JAML: variants seen among roughly 807,000 people sequenced by gnomAD.
The protein encoded by JAML is junctional adhesion molecule-like.
In JAML, 25 loss-of-function variants were observed where a neutral mutation model predicts 39.3. The observed-to-expected ratio is 0.64, with a 90% CI of 0.46 to 0.89. JAML has a LOEUF of 0.89. Ranked by LOEUF, JAML falls within the 40% of genes least tolerant of loss-of-function variation. The probability of loss-of-function intolerance (pLI) is 0.00; values close to 1 mark genes in which losing one functional copy is unlikely to be tolerated. For synonymous variants in JAML, 162 were observed against 179.2 expected (o/e 0.90, Z 0.77); for missense variants, 440 against 486.9 (o/e 0.90, Z 0.91).
intron 8 of JAML, chr11:118,197,025 A>G: frequency 4.0e-6 from 2 of 503,670 alleles, no homozygotes; most frequent in South Asian, 5.0e-5. Flanking sequence ...CAGTCTTAAG[A>G]ACCAAACTCT....
chr11:118,204,659 C>T (rs1472199475), intron 5 of JAML: 1 of 152,210 alleles, frequency 6.6e-6, no homozygotes, highest in African/African-American at 2.4e-5. Flanking sequence ...TCCCCAAGCA[C>T]CCACATAACA....
intron 2 of JAML, 85 bp downstream of exon 2, chr11:118,214,739 C>G: frequency 7.1e-7 from 1 of 1,414,772 alleles, no homozygotes; most frequent in Admixed American, 1.8e-5. Context: ...CCAAGGGAAT[C>G]GAAAATATGT....
chr11:118,221,046 T>G (rs2368238), intron 1 of JAML, among the ~76,000 whole-genome samples: 63,783 of 152,102 alleles, frequency 0.42, 15,195 homozygotes, highest in South Asian at 0.72. Flanking sequence ...GTCATAGAGA[T>G]GCCTCCTCTA....
At position 118,198,072 on chromosome 11, in the gene JAML, A is replaced by C. The variant is rs750311475; in HGVS notation, c.931T>G (p.Leu311Val). 33 of 1,614,144 alleles carry C rather than the reference A, an allele frequency of 2.0e-5. No homozygotes were observed. Among genetic ancestry groups the C allele is most frequent in the Non-Finnish European group, 2.8e-5 (33 of 1,179,970 alleles). Residue 311 changes from leucine (L) to valine (V), a missense_variant, in exon 8 of 10, where the codon TTG (leucine) becomes GTG (valine). By Grantham distance (32) the Leu-to-Val change is conservative. Coordinates refer to ENST00000356289, the MANE Select transcript of JAML (RefSeq NM_001098526.2). ...TTAGTCTTCTTCGTGTTCTTCACCA[A>C]GACTGTAGAATTCACTGAACTGCAA... ...GNKSSVNSTV[L>V]VKNTKKTNPE...
chr11:118,213,050 T>G (rs1949093302), intron 2 of JAML: 5 of 1,595,202 alleles, frequency 3.1e-6, no homozygotes, highest in Non-Finnish European at 4.3e-6. Flanking sequence ...TGATTCTGGC[T>G]GTAGGGCAGG....
intron 7 of JAML, among the ~76,000 whole-genome samples, chr11:118,199,690 ATTATT>A (rs1948734402): frequency 1.2e-5 from 1 of 80,672 alleles, no homozygotes; most frequent in African/African-American, 4.0e-5. Flanking sequence ...TATTATTATT[ATTATT>A]TTTTTTTTTT....
chr11:118,218,437 G>T (rs1237547393), intron 1 of JAML, among the ~76,000 whole-genome samples: 1 of 152,062 alleles, frequency 6.6e-6, no homozygotes, highest in African/African-American at 2.4e-5. Context: ...TAGGGCATGG[G>T]CCACTATGTC....
chr11:118,210,143 T>A (rs960447193), intron 4 of JAML, among the ~76,000 whole-genome samples: 1 of 152,252 alleles, frequency 6.6e-6, no homozygotes, highest in African/African-American at 2.4e-5. Context: ...AAAAAGAACA[T>A]GGACTTTGTT....
intron 2 of JAML, chr11:118,213,003 CCTTT>C: frequency 6.2e-7 from 1 of 1,612,802 alleles, no homozygotes; most frequent in Non-Finnish European, 8.5e-7. Context: ...TCCTCTTTTC[CCTTT>C]CTTTTAGTTC....
Position 118,222,246 on chromosome 11 carries a change from T to C in JAML, c.-21+2695A>G, listed in dbSNP as rs1423826893. ...GCCTGAGCAACTTGGTGAAACACCA[T>C]CTGAACAAAAAAAAAATACAAAAAT... On this transcript the variant is annotated intron_variant, in intron 1 of 9. Transcript: ENST00000356289. The surrounding 1 kb of genome is among the most constrained non-coding windows in gnomAD (Gnocchi z 4.2). Among the ~76,000 whole-genome samples, 1 of 151,494 alleles carries C rather than the reference T, an allele frequency of 6.6e-6. No homozygotes were observed. The highest frequency in any genetic ancestry group is 1.5e-5 in the Non-Finnish European group (1 of 67,894).
chr11:118,202,723 G>A, intron 6 of JAML: 12 of 357,416 alleles, frequency 3.4e-5, no homozygotes, highest in South Asian at 2.3e-4. Flanking sequence ...GAGGTATGAG[G>A]TATGTTCCAT....
intron 7 of JAML, 33 bp downstream of exon 7, chr11:118,200,441 C>T: frequency 1.2e-6 from 2 of 1,612,370 alleles, no homozygotes; most frequent in Middle Eastern, 1.7e-4. Context: ...CACCCCCAGC[C>T]TCCCAATCCA....
chr11:118,217,314 C>T (rs564957049), intron 1 of JAML, among the ~76,000 whole-genome samples: 4 of 152,314 alleles, frequency 2.6e-5, no homozygotes, highest in Non-Finnish European at 4.4e-5. Flanking sequence ...AGGAAGCCAG[C>T]GACTCTAAAA....
chr11:118,197,849 T>C (rs559040191), intron 8 of JAML, 149 bp downstream of exon 8: 2 of 703,274 alleles, frequency 2.8e-6, no homozygotes, highest in East Asian at 5.3e-5. Context: ...GGCTCTTACT[T>C]TAGTGACAAA....
intron 6 of JAML, chr11:118,201,227 G>T (rs1343624674): frequency 6.6e-6 from 1 of 152,382 alleles, no homozygotes; most frequent in Non-Finnish European, 1.5e-5. Flanking sequence ...TACAACAGAA[G>T]TCTGTATGGG....
At chr11:118,217,012 T>G (rs1205434019) in intron 1 of JAML, among the ~76,000 whole-genome samples, 1 of 152,122 alleles carries the variant, frequency 6.6e-6, no homozygotes, top group Non-Finnish European at 1.5e-5. Context: ...TTGGTTGTGC[T>G]CCCTCCTCTG....
At chr11:118,211,360 A>C (rs2134667938) in intron 3 of JAML, among the ~76,000 whole-genome samples, 1 of 152,258 alleles carries the variant, frequency 6.6e-6, no homozygotes, top group East Asian at 1.9e-4. Flanking sequence ...CTCCCACCTC[A>C]GTCTCCCAAG....
chr11:118,210,441 G>A (rs1253052279), intron 4 of JAML, 46 bp downstream of exon 4: 4 of 1,592,720 alleles, frequency 2.5e-6, no homozygotes, highest in Non-Finnish European at 3.4e-6. Context: ...TCTTGCACAT[G>A]AAAGCTCTTG....
chr11:118,210,780 A>G lies in JAML; in HGVS notation c.199-68T>C, dbSNP rs575787408. The stretch of plus-strand genomic sequence containing the variant: ...AGACCGAGGAGCCTGGATCCCAAAG[A>G]CTCTGTTATGTGGGGGCAGCAGAGC... On this transcript the variant is annotated intron_variant, in intron 3 of 9. Transcript: ENST00000356289. 9 of 1,326,824 alleles carry G rather than the reference A, an allele frequency of 6.8e-6. No homozygotes were observed. In the East Asian group the frequency reaches 1.6e-4, roughly 24 times the overall value. 82.2% of individuals were successfully genotyped at this position (1,326,824 alleles called of 1,614,324 possible). A position where few individuals can be genotyped will look rare whatever the true frequency, so the allele number is the denominator to read the frequency against.
Sources: gnomAD v4.1 joint callset for allele counts (sites outside exome capture counted in the v4.1 genomes callset) on GRCh38, gnomAD v4.1.1 for gene constraint, Gnocchi (gnomAD v3.1) non-coding constraint, MANE v1.5 for transcripts, NCBI Gene and HGNC (gene_info 2026-07-23, HGNC 2026-07-21) for gene names.